The following MAP4K4 variants were observed in gnomAD, a reference collection of about 807,000 sequenced individuals.
MAP4K4 encodes the protein mitogen-activated protein kinase kinase kinase kinase 4.
In MAP4K4, 38 loss-of-function variants were observed where a neutral mutation model predicts 189.6. That is an observed-to-expected ratio of 0.20 (90% CI 0.15 to 0.26). The LOEUF is 0.26. MAP4K4 is among the 10% of genes least tolerant of loss of function. The pLI, the probability that MAP4K4 is intolerant of heterozygous loss-of-function variation, is 1.00. For synonymous variants in MAP4K4, 610 were observed against 624.3 expected (o/e 0.98, Z 0.34); for missense variants, 1,054 against 1,726.9 (o/e 0.61, Z 6.91).
At chr2:101,825,555 G>A in intron 5 of MAP4K4, 126 bp downstream of exon 5, 1 of 518,134 alleles carries the variant, frequency 1.9e-6, no homozygotes, top group Non-Finnish European at 3.4e-6. Flanking sequence ...GACAGCCAAG[G>A]GTTCTGTATA....
intron 2 of MAP4K4, among the ~76,000 whole-genome samples, chr2:101,716,435 T>C (rs1409936194): frequency 6.6e-6 from 1 of 151,706 alleles, no homozygotes; most frequent in Non-Finnish European, 1.5e-5. Flanking sequence ...AGAGCGAGAC[T>C]CTGTCTCAAA....
chr2:101,771,489 A>G (rs932359142), intron 2 of MAP4K4, among the ~76,000 whole-genome samples: 5 of 152,112 alleles, frequency 3.3e-5, no homozygotes, highest in Admixed American at 2.0e-4. Context: ...ATGTAAGCAT[A>G]TTCTTCTTTC....
intron 3 of MAP4K4, among the ~76,000 whole-genome samples, chr2:101,793,573 T>G (rs903737712): frequency 4.0e-5 from 6 of 151,318 alleles, no homozygotes; most frequent in Admixed American, 6.6e-5. Flanking sequence ...TCATGGTTTT[T>G]TTTTTTTTTT....
At chr2:101,794,212 CAG>C (rs1176535521) in intron 3 of MAP4K4, among the ~76,000 whole-genome samples, 7 of 152,134 alleles carry the variant, frequency 4.6e-5, no homozygotes, top group African/African-American at 7.2e-5. Flanking sequence ...TAAATAATGA[CAG>C]AGGATTTGCA....
intron 2 of MAP4K4, among the ~76,000 whole-genome samples, chr2:101,780,120 T>C (rs186794297): frequency 6.6e-6 from 1 of 152,126 alleles, no homozygotes; most frequent in Non-Finnish European, 1.5e-5. Context: ...TCACGGGCAG[T>C]GTATTTTAGA....
Position 101,698,469 on chromosome 2 carries a change from C to T in MAP4K4, c.58-4C>T. 1 of 1,613,372 alleles carries T rather than the reference C, an allele frequency of 6.2e-7. No individual in the cohort carries two copies. The highest frequency in any genetic ancestry group is 1.3e-5 in the African/African-American group (1 of 75,020). On this transcript the variant is annotated splice_polypyrimidine_tract_variant and splice_region_variant and intron_variant, in intron 1 of 32. Transcript: ENST00000324219. Reference sequence around the variant, plus strand: ...TGATAACCCCTCCCCTCCTTCCTCTCCAGGATCCTGCTGGGATTTTTGAGC... The same window carrying T: ...TGATAACCCCTCCCCTCCTTCCTCTTCAGGATCCTGCTGGGATTTTTGAGC...
chr2:101,740,216 G>C (rs962290835), intron 2 of MAP4K4, among the ~76,000 whole-genome samples: 2 of 99,304 alleles, frequency 2.0e-5, no homozygotes, highest in South Asian at 2.5e-4. Flanking sequence ...TGCAGTGGCG[G>C]GATCTCGGCT....
At chr2:101,823,119 G>A (rs1194414868) in intron 3 of MAP4K4, among the ~76,000 whole-genome samples, 1 of 152,202 alleles carries the variant, frequency 6.6e-6, no homozygotes. Context: ...ATGAGAGAGA[G>A]AGGTGGAGAT....
In MAP4K4 at chr2:101,809,444, T is replaced by C. The variant is rs116757127; in HGVS notation, c.181-14484T>C. 6.8e-3 allele frequency among the ~76,000 whole-genome samples: 1,038 copies of C among 152,324 alleles called. 8 individuals are homozygous for C. Among genetic ancestry groups the C allele is most frequent in the Middle Eastern group, 0.054 (16 of 294 alleles). On this transcript the variant is annotated intron_variant, in intron 3 of 32. Transcript: ENST00000324219. ...GGTGGTTTAATCGATATATTTTCCC[T>C]GATAGATGCTTCTTAACTGATAAAG...
In MAP4K4 at chr2:101,751,572, A is replaced by G. The variant is rs137950582; in HGVS notation, c.124-39148A>G. The stretch of plus-strand genomic sequence containing the variant: ...CTGAATACTAGGCACTGCTGTTTCC[A>G]TGTATTTAAAATGGAAAGAAATGCA... On this transcript the variant is annotated intron_variant, in intron 2 of 32. Coordinates refer to ENST00000324219, the Ensembl canonical transcript of MAP4K4. Among the ~76,000 whole-genome samples, 1,318 of 152,354 alleles carry G rather than the reference A, an allele frequency of 8.7e-3. 23 individuals are homozygous for G. The highest frequency in any genetic ancestry group is 0.029 in the African/African-American group (1,218 of 41,576).
At chr2:101,735,366 T>C (rs2059946179) in intron 2 of MAP4K4, among the ~76,000 whole-genome samples, 1 of 152,184 alleles carries the variant, frequency 6.6e-6, no homozygotes, top group Admixed American at 6.5e-5. Context: ...CAGCTGGAAG[T>C]TGTCAGAGGG....
chr2:101,724,418 G>T (rs1241249887), intron 2 of MAP4K4, among the ~76,000 whole-genome samples: 1 of 152,164 alleles, frequency 6.6e-6, no homozygotes, highest in East Asian at 1.9e-4. Flanking sequence ...GGAGGGATGG[G>T]TCAGTATGGG....
intron 2 of MAP4K4, among the ~76,000 whole-genome samples, chr2:101,788,295 A>G (rs1336669052): frequency 6.6e-6 from 1 of 152,166 alleles, no homozygotes; most frequent in African/African-American, 2.4e-5. Context: ...AATCCCTGCC[A>G]AGAGCCCACT....
chr2:101,748,706 A>G (rs924273764), intron 2 of MAP4K4, among the ~76,000 whole-genome samples: 4 of 152,174 alleles, frequency 2.6e-5, no homozygotes, highest in African/African-American at 7.2e-5. Context: ...TTAGGAAAAG[A>G]GGAAGTCAAA....
Position 101,863,700 on chromosome 2 carries a change from C to T in MAP4K4, c.1867-121C>T, listed in dbSNP as rs191281102. 994 of 546,786 alleles carry T rather than the reference C, an allele frequency of 1.8e-3. 5 individuals are homozygous for T. The highest frequency in any genetic ancestry group is 2.6e-3 in the Non-Finnish European group (769 of 292,698). The allele number at this position is 546,786 out of a possible 1,614,324, so 33.9% of individuals were successfully genotyped here. A position where few individuals can be genotyped will look rare whatever the true frequency, so the allele number is the denominator to read the frequency against. On this transcript the variant is annotated intron_variant, in intron 16 of 32. Transcript: ENST00000324219. ...CTGTTTCACTGCGTGGCTGACCTAA[C>T]ACTGTACCACCCCGGTGTGTATTCC... is the stretch of plus-strand genomic sequence containing the variant.
chr2:101,774,012 G>A (rs755678110), intron 2 of MAP4K4, among the ~76,000 whole-genome samples: 22 of 152,174 alleles, frequency 1.4e-4, no homozygotes, highest in Non-Finnish European at 2.8e-4. Context: ...GAACAGTGCA[G>A]CAACAAACGT....
intron 2 of MAP4K4, among the ~76,000 whole-genome samples, chr2:101,727,076 C>CA (rs1191706621): frequency 2.0e-5 from 3 of 152,298 alleles, no homozygotes; most frequent in Admixed American, 6.5e-5. Flanking sequence ...TTTATGAAGA[C>CA]AGAGTCCTCA....
At chr2:101,786,466 G>T (rs1156333489) in intron 2 of MAP4K4, among the ~76,000 whole-genome samples, 6 of 152,024 alleles carry the variant, frequency 3.9e-5, no homozygotes. Context: ...AACTAAGAAG[G>T]TTGCTCTATC....
At chr2:101,812,570 T>G (rs1160915770) in intron 3 of MAP4K4, among the ~76,000 whole-genome samples, 1 of 152,142 alleles carries the variant, frequency 6.6e-6, no homozygotes, top group Admixed American at 6.5e-5. Flanking sequence ...TTATGAAATG[T>G]GTAGGTAGTA....
Sources: gnomAD v4.1 joint callset for allele counts (sites outside exome capture counted in the v4.1 genomes callset) on GRCh38, gnomAD v4.1.1 for gene constraint, MANE v1.5 for transcripts, NCBI Gene and HGNC (gene_info 2026-07-23, HGNC 2026-07-21) for gene names.